The following GRIP1 variants were observed in gnomAD, a reference collection of about 807,000 sequenced individuals.
GRIP1 encodes the protein glutamate receptor interacting protein 1, also known as glutamate receptor-interacting protein 1.
A neutral mutation model predicts 129.9 loss-of-function variants in GRIP1; 45 were observed. That is an observed-to-expected ratio of 0.35 (90% confidence interval 0.27 to 0.44). The LOEUF (loss-of-function observed/expected upper bound fraction) is 0.44. Among genes scored for constraint, GRIP1 ranks in the 20% least tolerant of loss-of-function variants. The pLI, the probability that GRIP1 is intolerant of heterozygous loss-of-function variation, is 1.00. For missense variants in GRIP1, 1,196 were observed against 1,396.8 expected, an observed-to-expected ratio of 0.86 and a Z score of 2.29; for synonymous variants, 530 against 520.8, an observed-to-expected ratio of 1.02 and a Z score of -0.24.
At chr12:66,388,011 A>G (rs1409817198) in intron 19 of GRIP1, among the ~76,000 whole-genome samples, 2 of 152,214 alleles carry the variant, frequency 1.3e-5, no homozygotes, top group Non-Finnish European at 2.9e-5. Context: ...AACTTAAGTC[A>G]TAAAAGGAAT....
chr12:66,755,121 T>C (rs2037246218), intron 1 of GRIP1, among the ~76,000 whole-genome samples: 1 of 152,096 alleles, frequency 6.6e-6, no homozygotes, highest in Admixed American at 6.6e-5. Flanking sequence ...GTGATCTTTA[T>C]CAGAAAATTT....
In GRIP1 at chr12:66,349,145, C is replaced by A; in HGVS notation, c.3261G>T (p.Leu1087=). The A allele has an allele frequency of 6.2e-7, 1 of 1,613,916 alleles. No individual in the cohort carries two copies. Among genetic ancestry groups the A allele is most frequent in the Non-Finnish European group, 8.5e-7 (1 of 1,179,800 alleles). ...GTTGGTCTATAGACTTCTGTGAAGC[C>A]AGTGGGTTTCTACTAATAACCAGGT... ...KLDLVISRNP[L]ASQKSIDQQS... is the part of the protein sequence containing the mutation. The change falls in exon 25 of 25, where the codon CTG becomes CTT. Residue 1087 remains leucine (L), a synonymous_variant. Coordinates refer to ENST00000359742, the MANE Select transcript of GRIP1 (RefSeq NM_001366722.1).
rs574332566 is a variant in GRIP1, at chr12:66,770,078, G to A, written c.-420+33975C>T. 5.3e-5 allele frequency among the ~76,000 whole-genome samples: 8 copies of A among 152,286 alleles called. No homozygotes were observed. The South Asian group carries it at 1.5e-3, about 28-fold the overall frequency. On this transcript the variant is annotated intron_variant, in intron 1 of 4. Transcript: ENST00000538373. Reference sequence around the variant, plus strand: ...CCATTTCCTCATCTATAAAGTGGGAGTAATAATAAAGCCTACCTCATGGAT... The same window carrying A: ...CCATTTCCTCATCTATAAAGTGGGAATAATAATAAAGCCTACCTCATGGAT...
intron 2 of GRIP1, among the ~76,000 whole-genome samples, chr12:66,593,556 A>G (rs1460326931): frequency 2.0e-5 from 3 of 152,248 alleles, no homozygotes; most frequent in Non-Finnish European, 4.4e-5. Flanking sequence ...CACCAGATCT[A>G]CATTTATAGA....
intron 1 of GRIP1, among the ~76,000 whole-genome samples, chr12:66,890,038 C>A (rs2040632337): frequency 6.6e-6 from 1 of 151,984 alleles, no homozygotes; most frequent in South Asian, 2.1e-4. Context: ...CTCAAACTGT[C>A]CTCCCAACAG....
chr12:66,874,240 G>C (rs1279675330), intron 1 of GRIP1, among the ~76,000 whole-genome samples: 1 of 152,064 alleles, frequency 6.6e-6, no homozygotes, highest in East Asian at 1.9e-4. Flanking sequence ...TTTCAGGCCA[G>C]GGCTTTGGAC....
chr12:66,392,739 G>T lies in GRIP1; in HGVS notation c.2207C>A (p.Ala736Asp), dbSNP rs1480924785. The T allele has an allele frequency of 6.2e-7, 1 of 1,613,500 alleles. No homozygotes were observed. Among genetic ancestry groups the T allele is most frequent in the East Asian group, 2.2e-5 (1 of 44,882 alleles). ...TCCTGCCATCTGTAACAAATGGATG[G>T]CTTCACTCAGAGGCTTCCCTTTCAA... ...SSLKGKPLSE[A>D]IHLLQMAGET... Residue 736 changes from alanine to aspartate, a missense_variant, in exon 18 of 25, where the codon GCC (alanine) becomes GAC (aspartate). This residue lies in a region of GRIP1 where 28 missense variants were observed against 78.1 expected (regional missense o/e 0.36). Transcript: ENST00000359742.
chr12:67,003,206 C>T (rs1470540684), intron 1 of GRIP1, among the ~76,000 whole-genome samples: 2 of 152,164 alleles, frequency 1.3e-5, no homozygotes, highest in Non-Finnish European at 2.9e-5. Context: ...CTTCTTTCTA[C>T]CCAAACTCCA....
At chr12:66,530,695 G>A (rs1159837998) in intron 4 of GRIP1, among the ~76,000 whole-genome samples, 13 of 151,176 alleles carry the variant, frequency 8.6e-5, no homozygotes, top group African/African-American at 2.9e-4. Context: ...AGAACCTGTT[G>A]AGTCATTCTA....
intron 7 of GRIP1, among the ~76,000 whole-genome samples, chr12:66,507,431 C>A (rs1335370769): frequency 7.3e-6 from 1 of 137,056 alleles, no homozygotes; most frequent in Non-Finnish European, 1.6e-5. Flanking sequence ...GAGCGAGACT[C>A]CATTTCAAAA....
At chr12:66,431,425 C>T (rs58287013) in intron 14 of GRIP1, among the ~76,000 whole-genome samples, 20,918 of 152,072 alleles carry the variant, frequency 0.14, 1,761 homozygotes, top group Non-Finnish European at 0.19. Context: ...ATTGCAGTAC[C>T]GTTCTTTTTA....
At chr12:67,005,252 C>T (rs1045345391) in intron 1 of GRIP1, among the ~76,000 whole-genome samples, 4 of 152,148 alleles carry the variant, frequency 2.6e-5, no homozygotes, top group Non-Finnish European at 5.9e-5. Context: ...TTTTCCATCC[C>T]TTCTTCCATA....
At chr12:66,892,271 C>T (rs11176476) in intron 1 of GRIP1, among the ~76,000 whole-genome samples, 1 of 152,124 alleles carries the variant, frequency 6.6e-6, no homozygotes, top group Non-Finnish European at 1.5e-5. Flanking sequence ...GTCCCAGCCA[C>T]CATCATCTCT....
In GRIP1 at chr12:66,899,285, T is replaced by C. The variant is rs576634065; in HGVS notation, c.58+169765A>G. 4.6e-5 allele frequency among the ~76,000 whole-genome samples: 7 copies of C among 152,246 alleles called. No individual in the cohort carries two copies. In the South Asian group the frequency reaches 1.5e-3, roughly 32 times the overall value. On this transcript the variant is annotated intron_variant, in intron 1 of 1. Transcript: ENST00000643019. The stretch of plus-strand genomic sequence containing the variant: ...CATTCACTAGTCAATGAAACACTCA[T>C]TCAGTGAAATGCTGCTGTCAGGACA...
chr12:66,572,327 G>C (rs2062991179), intron 2 of GRIP1, among the ~76,000 whole-genome samples: 1 of 152,134 alleles, frequency 6.6e-6, no homozygotes, highest in Admixed American at 6.5e-5. Flanking sequence ...AGAATTTTGA[G>C]AGACACTGAA....
chr12:66,414,932 T>TATAAAATAAAATAAAATAAA lies in GRIP1; in HGVS notation c.1838+5768_1838+5787dup, dbSNP rs56917803. Reference sequence around the variant, plus strand: ...AACTGGACCCCTTCCTTACACCTTATATAAAATAAAATAAAATAAAATAAA... The same window carrying TATAAAATAAAATAAAATAAA: ...AACTGGACCCCTTCCTTACACCTTATATAAAATAAAATAAAATAAAATAAAATAAAATAAAATAAAATAAA... On this transcript the variant is annotated intron_variant, in intron 15 of 24. Transcript: ENST00000359742. 1.0e-2 allele frequency among the ~76,000 whole-genome samples: 1,215 copies of TATAAAATAAAATAAAATAAA among 121,976 alleles called. 24 individuals are homozygous for TATAAAATAAAATAAAATAAA. The highest frequency in any genetic ancestry group is 0.042 in the Middle Eastern group (11 of 264). The allele number at this position is 121,976 out of a possible 152,430, so 80.0% of individuals were successfully genotyped here.
At chr12:66,685,289 C>T (rs770210954) in intron 1 of GRIP1, among the ~76,000 whole-genome samples, 2 of 151,960 alleles carry the variant, frequency 1.3e-5, no homozygotes, top group African/African-American at 4.8e-5. Flanking sequence ...GGAAGTATTA[C>T]TTTTCAAATT....
chr12:66,678,760 G>A, intron 1 of GRIP1, 90 bp downstream of exon 1: 1 of 1,171,522 alleles, frequency 8.5e-7, no homozygotes, highest in East Asian at 2.4e-5. Flanking sequence ...AATTGCAAAG[G>A]CAGTCATATT....
At chr12:66,765,914 A>G (rs1009540603) in intron 1 of GRIP1, among the ~76,000 whole-genome samples, 6 of 152,186 alleles carry the variant, frequency 3.9e-5, no homozygotes, top group Non-Finnish European at 7.3e-5. Flanking sequence ...ATGACTGCAG[A>G]CATAGGATGT....
Sources: gnomAD v4.1 joint callset for allele counts (sites outside exome capture counted in the v4.1 genomes callset) on GRCh38, gnomAD v4.1.1 for gene constraint, gnomAD v4.1.1 regional missense constraint, MANE v1.5 for transcripts, NCBI Gene and HGNC (gene_info 2026-07-23, HGNC 2026-07-21) for gene names.